The following COL4A4 variants were observed in gnomAD, a reference collection of about 807,000 sequenced individuals.
COL4A4 encodes collagen alpha-4(IV) chain.
In COL4A4, 105 loss-of-function variants were observed where a neutral mutation model predicts 192.9. That is an observed-to-expected ratio of 0.54 (90% confidence interval 0.46 to 0.64). COL4A4 has a LOEUF of 0.64. COL4A4 is among the 30% of genes least tolerant of loss of function. COL4A4 has a pLI of 0.00. For missense variants in COL4A4, 1,967 were observed against 2,169.3 expected (o/e 0.91, Z 1.85); for synonymous variants, 762 against 769.9 (o/e 0.99, Z 0.17).
intron 26 of COL4A4, among the ~76,000 whole-genome samples, chr2:227,061,166 T>C (rs1234172251): frequency 6.6e-6 from 1 of 152,230 alleles, no homozygotes; most frequent in Non-Finnish European, 1.5e-5. Context: ...TTACAGCTGC[T>C]GAAAGAAATC....
At chr2:227,059,384 A>C in intron 28 of COL4A4, 21 bp downstream of exon 28, 3 of 1,604,494 alleles carry the variant, frequency 1.9e-6, no homozygotes, top group Non-Finnish European at 2.6e-6. Flanking sequence ...ATGCACCAAA[A>C]GGACAGCAAA....
At chr2:226,977,362 T>C in the COL4A4 span, among the ~76,000 whole-genome samples, 4 of 152,150 alleles carry the variant, frequency 2.6e-5, no homozygotes, top group Non-Finnish European at 5.9e-5. Context: ...CCCCACTGAG[T>C]GTCCGAAATA....
intron 4 of COL4A4, among the ~76,000 whole-genome samples, chr2:227,136,933 G>A (rs1297683123): frequency 6.6e-6 from 1 of 151,984 alleles, no homozygotes; most frequent in Non-Finnish European, 1.5e-5. Context: ...CAGAAGGTTG[G>A]CCGGCTGCTG....
the COL4A4 span, chr2:226,988,506 C>T: frequency 3.9e-6 from 6 of 1,524,318 alleles, no homozygotes; most frequent in African/African-American, 2.8e-5. Flanking sequence ...TCAGGCCTTG[C>T]GAGGTGGATA....
intron 1 of COL4A4, among the ~76,000 whole-genome samples, 171 bp from the exon 2 acceptor site, chr2:227,147,755 AT>A (rs2063642209): frequency 6.6e-6 from 1 of 151,534 alleles, no homozygotes; most frequent in Admixed American, 6.6e-5. Flanking sequence ...GAAATAAAAA[AT>A]CTTCAAACCC....
chr2:226,978,991 T>G, the COL4A4 span, among the ~76,000 whole-genome samples: 8 of 152,190 alleles, frequency 5.3e-5, no homozygotes, highest in African/African-American at 1.9e-4. Flanking sequence ...TGTAGGTATG[T>G]ATAAAAAAGA....
At chr2:227,050,199 T>G in intron 33 of COL4A4, 68 bp from the exon 34 acceptor site, 5 of 1,406,854 alleles carry the variant, frequency 3.6e-6, no homozygotes, top group Non-Finnish European at 5.0e-6. Context: ...CACAACACGA[T>G]CCAGTTGTAA....
chr2:227,039,802 T>C (rs577910661), intron 37 of COL4A4, among the ~76,000 whole-genome samples: 54 of 152,276 alleles, frequency 3.5e-4, no homozygotes, highest in Middle Eastern at 6.8e-3. Context: ...ATGGCCACAA[T>C]CACCACAGAA....
At chr2:226,987,107 C>T in the COL4A4 span, among the ~76,000 whole-genome samples, 6 of 152,096 alleles carry the variant, frequency 3.9e-5, no homozygotes, top group Admixed American at 3.9e-4. Flanking sequence ...TGTTCTCGCT[C>T]ATAAGTGGGA....
At chr2:227,065,294 G>C (rs954509496) in intron 25 of COL4A4, among the ~76,000 whole-genome samples, 41 of 152,362 alleles carry the variant, frequency 2.7e-4, no homozygotes, top group African/African-American at 9.9e-4. Flanking sequence ...CGGCAGCGAG[G>C]CTGGGGGAGG....
the COL4A4 span, among the ~76,000 whole-genome samples, chr2:226,983,414 G>T: frequency 6.6e-6 from 1 of 152,154 alleles, no homozygotes; most frequent in South Asian, 2.1e-4. Flanking sequence ...TTTATTTGCT[G>T]CTAGTCAGTC....
At chr2:227,117,171 G>C (rs1256554427) in intron 7 of COL4A4, among the ~76,000 whole-genome samples, 2 of 152,102 alleles carry the variant, frequency 1.3e-5, no homozygotes, top group South Asian at 2.1e-4. Flanking sequence ...CAAAGTGAGG[G>C]GTGTCTGTAT....
At chr2:227,068,489 T>A (rs888918551) in intron 25 of COL4A4, among the ~76,000 whole-genome samples, 1 of 152,134 alleles carries the variant, frequency 6.6e-6, no homozygotes, top group Non-Finnish European at 1.5e-5. Flanking sequence ...GCAAACCGAA[T>A]CCAGCAGCAC....
the COL4A4 span, among the ~76,000 whole-genome samples, chr2:226,984,826 C>T: frequency 1.3e-5 from 2 of 151,200 alleles, no homozygotes; most frequent in Non-Finnish European, 2.9e-5. Flanking sequence ...TGTCCTTAGA[C>T]AGCAGTGTGC....
chr2:227,154,346 G>T (rs1436219138), intron 1 of COL4A4, among the ~76,000 whole-genome samples: 5 of 152,092 alleles, frequency 3.3e-5, no homozygotes, highest in Non-Finnish European at 7.3e-5. Flanking sequence ...TATTTTCTCA[G>T]CAACCCAATC....
Position 227,012,365 on chromosome 2 carries a change from T to C in COL4A4, c.4217-68A>G. On this transcript the variant is annotated intron_variant, in intron 44 of 47. Coordinates refer to ENST00000396625, the MANE Select transcript of COL4A4 (RefSeq NM_000092.5). ...CACCTGCTAGCATTTACCGTGCTTA[T>C]ACCGTATGCCAGCCGTGTGCCAGCC... 2.4e-6 allele frequency: 3 copies of C among 1,262,452 alleles called. No homozygotes were observed. The South Asian group carries it at 3.6e-5, about 15-fold the overall frequency. The allele number at this position is 1,262,452 out of a possible 1,614,324, so 78.2% of individuals were successfully genotyped here.
At chr2:226,987,094 G>T in the COL4A4 span, among the ~76,000 whole-genome samples, 1 of 152,132 alleles carries the variant, frequency 6.6e-6, no homozygotes, top group African/African-American at 2.4e-5. Flanking sequence ...ACCAAACACC[G>T]CATGTTCTCG....
At chr2:227,010,614 A>G (rs1275768537) in intron 45 of COL4A4, 113 bp from the exon 46 acceptor site, 7 of 821,764 alleles carry the variant, frequency 8.5e-6, no homozygotes, top group Non-Finnish European at 1.3e-5. Flanking sequence ...AGAGGGGAGC[A>G]TGACTCAGCC....
chr2:227,059,377 C>T, intron 28 of COL4A4, 28 bp downstream of exon 28: 5 of 1,588,146 alleles, frequency 3.1e-6, no homozygotes, highest in South Asian at 2.2e-5. Context: ...CAGCTCTATG[C>T]ACCAAAAGGA....
Sources: gnomAD v4.1 joint callset for allele counts (sites outside exome capture counted in the v4.1 genomes callset) on GRCh38, gnomAD v4.1.1 for gene constraint, MANE v1.5 for transcripts, NCBI Gene and HGNC (gene_info 2026-07-23, HGNC 2026-07-21) for gene names.